LIMK1: variants seen among roughly 807,000 people sequenced by gnomAD.
LIMK1 encodes the protein LIM domain kinase 1.
A neutral mutation model predicts 77.6 loss-of-function variants in LIMK1; 21 were observed. That is an observed-to-expected ratio of 0.27 (90% CI 0.19 to 0.39). The LOEUF (loss-of-function observed/expected upper bound fraction) is 0.39. Ranked by LOEUF, LIMK1 falls within the 10% of genes least tolerant of loss-of-function variation. LIMK1 has a pLI of 1.00. For missense variants in LIMK1, 696 were observed against 901.6 expected, an observed-to-expected ratio of 0.77 and a Z score of 2.92; for synonymous variants, 358 against 370.0, an observed-to-expected ratio of 0.97 and a Z score of 0.37.
At position 74,101,586 on chromosome 7, in the gene LIMK1, C is replaced by CT. The variant is rs1161641128; in HGVS notation, c.608+2349dup. ...GGGTAAGCATTCGCCCAGCCAACAT[C>CT]TGGAACATCCCAGTTCTGCAAAGAG... On this transcript the variant is annotated intron_variant, in intron 5 of 15. Transcript: ENST00000336180. Among the ~76,000 whole-genome samples, 7 of 152,310 alleles carry CT rather than the reference C, an allele frequency of 4.6e-5. No homozygotes were observed. The South Asian group carries it at 1.2e-3, about 27-fold the overall frequency.
intron 12 of LIMK1, among the ~76,000 whole-genome samples, chr7:74,112,365 C>G (rs897183153): frequency 6.6e-6 from 1 of 152,182 alleles, no homozygotes; most frequent in Non-Finnish European, 1.5e-5. Flanking sequence ...GCACCAGCAT[C>G]TGGGGGCCAC....
chr7:74,109,132 G>A, intron 10 of LIMK1, 96 bp downstream of exon 10: 1 of 968,786 alleles, frequency 1.0e-6, no homozygotes, highest in East Asian at 2.7e-5. Context: ...ATGGGGGGAA[G>A]CCACAGGGGT....
At chr7:74,103,360 G>A (rs1241765607) in intron 5 of LIMK1, among the ~76,000 whole-genome samples, 3 of 151,690 alleles carry the variant, frequency 2.0e-5, no homozygotes, top group Admixed American at 1.3e-4. Context: ...CAAAGTGCTG[G>A]GATTACAGGC....
chr7:74,105,802 C>A, intron 5 of LIMK1, 73 bp from the exon 6 acceptor site: 1 of 1,016,498 alleles, frequency 9.8e-7, no homozygotes, highest in Non-Finnish European at 1.5e-6. Context: ...GGATCTGGTG[C>A]CCTTCGCCTT....
In LIMK1 at chr7:74,107,080, C is replaced by G; in HGVS notation, c.952C>G (p.Leu318Val). ...LGSPASQRKD[L>V]GRSESLRVVC... ...CTCCCCGGCCTCCCAGCGCAAGGAC[C>G]TGGGTCGCTCTGAGTCCCTCCGCGT... Residue 318 changes from leucine to valine, a missense_variant, in exon 8 of 16, where the codon CTG becomes GTG. Leu to Val is a conservative substitution (Grantham distance 32). This residue lies in a region of LIMK1 where 438 missense variants were observed against 602.3 expected (regional missense o/e 0.73). Coordinates refer to ENST00000336180, the MANE Select transcript of LIMK1 (RefSeq NM_002314.4). 6.2e-7 allele frequency: 1 copy of G among 1,610,364 alleles called. No individual in the cohort carries two copies. The highest frequency in any genetic ancestry group is 8.5e-7 in the Non-Finnish European group (1 of 1,179,080).
At chr7:74,098,210 C>T (rs112341566) in intron 4 of LIMK1, among the ~76,000 whole-genome samples, 10 of 152,112 alleles carry the variant, frequency 6.6e-5, no homozygotes, top group East Asian at 3.9e-4. Flanking sequence ...TGTATCTTTG[C>T]GGGGCTGAGT....
chr7:74,106,042 C>T (rs1281544296), intron 6 of LIMK1, 35 bp from the exon 7 acceptor site: 4 of 1,613,482 alleles, frequency 2.5e-6, no homozygotes, highest in Admixed American at 1.7e-5. Context: ...GCCCCCTCCC[C>T]ACTCCACCCC....
intron 12 of LIMK1, 90 bp downstream of exon 12, chr7:74,112,088 C>CATGGAGGGG: frequency 1.9e-6 from 2 of 1,047,682 alleles, no homozygotes; most frequent in Non-Finnish European, 2.8e-6. Flanking sequence ...AACTGGAGGC[C>CATGGAGGGG]CCTCCATGTT....
intron 4 of LIMK1, 79 bp downstream of exon 4, chr7:74,097,268 C>T (rs1379421058): frequency 1.5e-5 from 13 of 843,280 alleles, no homozygotes; most frequent in Non-Finnish European, 2.2e-5. Context: ...TCTCCCACAC[C>T]CGGGCCTCCT....
intron 10 of LIMK1, 40 bp from the exon 11 acceptor site, chr7:74,111,606 GCC>G: frequency 6.3e-7 from 1 of 1,575,182 alleles, no homozygotes; most frequent in Non-Finnish European, 8.7e-7. Flanking sequence ...TGCCATCGGG[GCC>G]CCCACCGGCC....
chr7:74,084,480 G>A (rs1799093180), intron 1 of LIMK1, among the ~76,000 whole-genome samples: 1 of 152,204 alleles, frequency 6.6e-6, no homozygotes, highest in Admixed American at 6.5e-5. Flanking sequence ...TGAGCCAGGC[G>A]CTGACTTCCT....
In LIMK1 at chr7:74,121,257, C is replaced by T. The variant is rs140218235; in HGVS notation, c.1900C>T (p.Arg634Cys). The T allele has an allele frequency of 1.3e-5, 21 of 1,612,630 alleles. No homozygotes were observed. Among genetic ancestry groups the T allele is most frequent in the South Asian group, 2.2e-5 (2 of 91,014 alleles). Residue 634 changes from arginine (R) to cysteine (C), a missense_variant, in exon 16 of 16, where the codon CGC becomes TGC. Physicochemically the swap from Arg to Cys is radical, Grantham distance 180 (BLOSUM62 -3). This residue lies in a region of LIMK1 where 438 missense variants were observed against 602.3 expected (regional missense o/e 0.73). Coordinates refer to ENST00000336180, the MANE Select transcript of LIMK1 (RefSeq NM_002314.4). ...LDRGFWETYR[R>C]GESGLPAHPE... is the part of the protein sequence containing the mutation. ...CAGAGGTTTCTGGGAGACCTACCGG[C>T]GCGGCGAGAGCGGACTGCCTGCCCA...
intron 2 of LIMK1, among the ~76,000 whole-genome samples, chr7:74,092,620 G>A (rs1554694942): frequency 6.6e-6 from 1 of 151,910 alleles, no homozygotes; most frequent in African/African-American, 2.4e-5. Flanking sequence ...CTGCCTCTGC[G>A]AGGTCCCCTC....
intron 5 of LIMK1, among the ~76,000 whole-genome samples, chr7:74,104,157 C>G (rs1348162283): frequency 1.3e-5 from 2 of 151,974 alleles, no homozygotes; most frequent in African/African-American, 4.8e-5. Flanking sequence ...GTCTCAAACC[C>G]CTAGTCTCAA....
At chr7:74,091,862 AG>A (rs1166757214) in intron 2 of LIMK1, among the ~76,000 whole-genome samples, 4 of 147,004 alleles carry the variant, frequency 2.7e-5, no homozygotes, top group Middle Eastern at 3.2e-3. Flanking sequence ...GGCACAACTG[AG>A]GACCACAAAG....
intron 2 of LIMK1, among the ~76,000 whole-genome samples, chr7:74,092,110 C>T (rs1799249153): frequency 1.3e-5 from 2 of 151,804 alleles, no homozygotes; most frequent in Admixed American, 6.6e-5. Context: ...GGACTACAGG[C>T]GCCCACCACC....
In LIMK1 at chr7:74,099,170, C is replaced by G. The variant is rs782378399; in HGVS notation, c.540C>G (p.Val180=). Residue 180 remains valine (V), a synonymous_variant, in exon 5 of 16, where the codon GTC becomes GTG. Transcript: ENST00000336180. ...CTCATGGCAAGCGTGGACTTTCAGT[C>G]TCCATTGACCCCCCGCACGGCCCAC... ...ASSHGKRGLS[V]SIDPPHGPPG... is the part of the protein sequence containing the mutation. 1.2e-6 allele frequency: 2 copies of G among 1,613,018 alleles called. No homozygotes were observed. Among genetic ancestry groups the G allele is most frequent in the Non-Finnish European group, 1.7e-6 (2 of 1,180,042 alleles).
In LIMK1 at chr7:74,120,935, C is replaced by T. The variant is rs1554700444; in HGVS notation, c.1667C>T (p.Thr556Ile). The change falls in exon 15 of 16, where the codon ACC becomes ATC. Residue 556 changes from threonine (T) to isoleucine (I), a missense_variant. Transcript: ENST00000336180. ...GCAGACCCTGACTACCTGCCCCGCACCATGGACTTTGGCCTCAACGTGCGA... is the reference window on the plus strand; with the variant it reads ...GCAGACCCTGACTACCTGCCCCGCATCATGGACTTTGGCCTCAACGTGCGA... ...VNADPDYLPR[T>I]MDFGLNVRGF... The T allele has an allele frequency of 6.2e-7, 1 of 1,614,170 alleles. No homozygotes were observed. The highest frequency in any genetic ancestry group is 2.2e-5 in the East Asian group (1 of 44,888).
At position 74,099,351 on chromosome 7, in the gene LIMK1, A is replaced by C. The variant is rs190112531; in HGVS notation, c.608+113A>C. The C allele has an allele frequency of 3.5e-3, 3,636 of 1,045,600 alleles. 18 individuals carry two copies. Among genetic ancestry groups the C allele is most frequent in the Non-Finnish European group, 3.6e-3 (2,559 of 701,474 alleles). The allele number at this position is 1,045,600 out of a possible 1,614,324, so 64.8% of individuals were successfully genotyped here. On this transcript the variant is annotated intron_variant, in intron 5 of 15. Transcript: ENST00000336180. The stretch of plus-strand genomic sequence containing the variant: ...TGAATGGGCGAGTGTTTGGGTACAG[A>C]TGGGGCCCAGTTCTGACAACCTGGT...
Sources: gnomAD v4.1 joint callset for allele counts (sites outside exome capture counted in the v4.1 genomes callset) on GRCh38, gnomAD v4.1.1 for gene constraint, gnomAD v4.1.1 regional missense constraint, MANE v1.5 for transcripts, NCBI Gene and HGNC (gene_info 2026-07-23, HGNC 2026-07-21) for gene names.